The following LRBA variants were observed in gnomAD, a reference collection of about 807,000 sequenced individuals.
LRBA encodes LPS responsive beige-like anchor protein, also known as lipopolysaccharide-responsive and beige-like anchor protein.
Under a neutral mutation model 330.0 loss-of-function variants are expected in LRBA, and 176 were observed. The ratio of observed to expected loss-of-function variants is 0.53; its 90% confidence interval spans 0.47 to 0.60. The LOEUF is 0.60. Ranked by LOEUF, LRBA falls within the 20% of genes least tolerant of loss-of-function variation. The pLI is 0.00. For missense variants in LRBA, 3,259 were observed against 3,444.8 expected (o/e 0.95, Z 1.35); for synonymous variants, 1,230 against 1,193.0 (o/e 1.03, Z -0.64).
intron 40 of LRBA, among the ~76,000 whole-genome samples, chr4:150,552,227 A>T (rs537600631): frequency 6.6e-6 from 1 of 152,240 alleles, no homozygotes; most frequent in South Asian, 2.1e-4. Flanking sequence ...AAGACAGAAT[A>T]CAAAAATACA....
At chr4:150,480,651 A>T (rs1757195467) in intron 42 of LRBA, among the ~76,000 whole-genome samples, 1 of 152,146 alleles carries the variant, frequency 6.6e-6, no homozygotes, top group Non-Finnish European at 1.5e-5. Flanking sequence ...ATGCTTAGAA[A>T]GCTTATCTTT....
chr4:150,422,927 T>C, intron 46 of LRBA: 1 of 794,626 alleles, frequency 1.3e-6, no homozygotes, highest in Admixed American at 1.7e-5. Flanking sequence ...ATGCCAGCTC[T>C]GTACAAGACT....
In LRBA at chr4:150,852,766, A is replaced by G. The variant is rs1312328028; in HGVS notation, c.2944T>C (p.Cys982Arg). ...QQPDTKDSPV[C>R]PHFTTNGNEN... ...TTACCATTTGTGGTGAAATGAGGACAGACAGGAGAATCCTTCGTATCTGGT... is the reference window on the plus strand; with the variant it reads ...TTACCATTTGTGGTGAAATGAGGACGGACAGGAGAATCCTTCGTATCTGGT... Residue 982 changes from cysteine to arginine, a missense_variant, in exon 23 of 57, where the codon TGT becomes CGT. Physicochemically the swap from Cys to Arg is radical, Grantham distance 180. Transcript: ENST00000651943. The G allele has an allele frequency of 5.6e-6, 9 of 1,614,040 alleles. No homozygotes were observed. Among genetic ancestry groups the G allele is most frequent in the Middle Eastern group, 1.6e-4 (1 of 6,062 alleles).
chr4:150,442,077 C>T (rs1337474424), intron 44 of LRBA, among the ~76,000 whole-genome samples: 3 of 152,072 alleles, frequency 2.0e-5, no homozygotes, highest in Non-Finnish European at 4.4e-5. Context: ...CTGGACTATA[C>T]TTATAGTTAT....
intron 37 of LRBA, among the ~76,000 whole-genome samples, chr4:150,678,374 G>GA (rs1308764676): frequency 2.0e-5 from 3 of 151,664 alleles, no homozygotes; most frequent in African/African-American, 7.3e-5. Flanking sequence ...TACTACACAA[G>GA]AAAAAAATGG....
At position 150,989,527 on chromosome 4, in the gene LRBA, C is replaced by T. The variant is rs545400170; in HGVS notation, c.216+24900G>A. The stretch of plus-strand genomic sequence containing the variant: ...ACTCAGGAGGCTGAGGTGAGAGAAT[C>T]GCTTGAACCCGGAAGGCACAGGCTG... On this transcript the variant is annotated intron_variant, in intron 2 of 56. Transcript: ENST00000651943. 8.5e-5 allele frequency among the ~76,000 whole-genome samples: 13 copies of T among 152,150 alleles called. No individual in the cohort carries two copies. In the South Asian group the frequency reaches 2.1e-3, roughly 24 times the overall value.
chr4:150,785,649 A>G (rs776176233), intron 34 of LRBA, among the ~76,000 whole-genome samples: 5 of 151,556 alleles, frequency 3.3e-5, no homozygotes, highest in Non-Finnish European at 7.3e-5. Flanking sequence ...GGAGGTTTCA[A>G]ATTCTACTAG....
chr4:150,385,020 TAA>T (rs1742853182), intron 47 of LRBA, among the ~76,000 whole-genome samples: 2 of 152,210 alleles, frequency 1.3e-5, no homozygotes, highest in Admixed American at 1.3e-4. Context: ...TAAGAATGCC[TAA>T]AAGTTGTTTA....
chr4:150,680,308 ATAC>A (rs1340868371), intron 37 of LRBA, among the ~76,000 whole-genome samples: 2 of 152,178 alleles, frequency 1.3e-5, no homozygotes, highest in Non-Finnish European at 2.9e-5. Context: ...CAAGGGAGGA[ATAC>A]TTTCCTTTAC....
intron 44 of LRBA, among the ~76,000 whole-genome samples, chr4:150,465,009 G>C (rs2152057148): frequency 6.6e-6 from 1 of 151,908 alleles, no homozygotes. Context: ...TTTTCAACTT[G>C]CAATCCTGAA....
chr4:150,581,367 G>A (rs1305719088), intron 40 of LRBA: 2 of 439,448 alleles, frequency 4.6e-6, no homozygotes, highest in Non-Finnish European at 9.1e-6. Context: ...CAACTGCTCT[G>A]ATTCTTGGCA....
At chr4:150,661,966 T>G (rs1257270215) in intron 37 of LRBA, among the ~76,000 whole-genome samples, 1 of 152,106 alleles carries the variant, frequency 6.6e-6, no homozygotes, top group African/African-American at 2.4e-5. Context: ...ACATGATTCC[T>G]ATTACCATAG....
At chr4:150,920,892 G>C (rs1324140159) in intron 5 of LRBA, among the ~76,000 whole-genome samples, 1 of 152,182 alleles carries the variant, frequency 6.6e-6, no homozygotes, top group Non-Finnish European at 1.5e-5. Flanking sequence ...CACAAAGATA[G>C]ACATGAAGGT....
chr4:150,389,222 T>G (rs1561106142), intron 47 of LRBA, among the ~76,000 whole-genome samples: 1 of 152,054 alleles, frequency 6.6e-6, no homozygotes, highest in Non-Finnish European at 1.5e-5. Context: ...CCAGGTGTGG[T>G]GACACGTGCC....
At chr4:150,922,582 AAAAG>A (rs1733422676) in intron 4 of LRBA, among the ~76,000 whole-genome samples, 1 of 152,018 alleles carries the variant, frequency 6.6e-6, no homozygotes, top group Non-Finnish European at 1.5e-5. Flanking sequence ...ACACAAAGGA[AAAAG>A]AAAGATACAA....
intron 40 of LRBA, 49 bp from the exon 41 acceptor site, chr4:150,491,084 G>A (rs746090727): frequency 1.1e-6 from 1 of 879,924 alleles, no homozygotes; most frequent in South Asian, 2.4e-5. Context: ...CTTGTTTTTT[G>A]TTGTTGTTTC....
intron 36 of LRBA, among the ~76,000 whole-genome samples, chr4:150,688,578 A>G (rs376516335): frequency 1.1e-4 from 16 of 152,244 alleles, no homozygotes; most frequent in African/African-American, 3.6e-4. Flanking sequence ...TAATTTCCAG[A>G]ATCTACAAGG....
At chr4:150,871,142 C>G (rs1002109457) in intron 19 of LRBA, among the ~76,000 whole-genome samples, 1 of 152,094 alleles carries the variant, frequency 6.6e-6, no homozygotes, top group Admixed American at 6.5e-5. Context: ...ACTGGGGAGG[C>G]TGAGACAGGA....
At chr4:150,970,662 C>A (rs1739485969) in intron 2 of LRBA, 1 of 151,378 alleles carries the variant, frequency 6.6e-6, no homozygotes, top group Admixed American at 6.6e-5. Context: ...TACTTTATTG[C>A]AGTGCTCTCA....
Sources: gnomAD v4.1 joint callset for allele counts (sites outside exome capture counted in the v4.1 genomes callset) on GRCh38, gnomAD v4.1.1 for gene constraint, MANE v1.5 for transcripts, NCBI Gene and HGNC (gene_info 2026-07-23, HGNC 2026-07-21) for gene names.